The following TJP1 variants were observed in gnomAD, a reference collection of about 807,000 sequenced individuals.
TJP1 encodes tight junction protein ZO-1.
TJP1 carries 43 observed loss-of-function variants against 194.2 expected under a neutral mutation model. That is an observed-to-expected ratio of 0.22 (90% confidence interval 0.17 to 0.29). The LOEUF is 0.29. Among genes scored for constraint, TJP1 ranks in the 10% least tolerant of loss-of-function variants. The probability of loss-of-function intolerance (pLI) is 1.00; values close to 1 mark genes in which losing one functional copy is unlikely to be tolerated. For synonymous variants in TJP1, 801 were observed against 779.0 expected, an observed-to-expected ratio of 1.03 and a Z score of -0.47; for missense variants, 1,971 against 2,185.7, an observed-to-expected ratio of 0.90 and a Z score of 1.96.
intron 2 of TJP1, among the ~76,000 whole-genome samples, chr15:29,910,080 AC>A (rs1410029607): frequency 6.6e-6 from 1 of 152,174 alleles, no homozygotes; most frequent in African/African-American, 2.4e-5. Flanking sequence ...ACTATTAAAA[AC>A]CACAGGAGAA....
intron 8 of TJP1, among the ~76,000 whole-genome samples, chr15:29,751,919 TTTATTTTTGTACTAC>T (rs919651236): frequency 6.6e-6 from 1 of 152,116 alleles, no homozygotes; most frequent in African/African-American, 2.4e-5. Flanking sequence ...ACTTTTACTT[TTTATTTTTGTACTAC>T]TTATTTTTGA....
chr15:29,835,504 C>T (rs2050995448), intron 2 of TJP1, among the ~76,000 whole-genome samples: 1 of 151,952 alleles, frequency 6.6e-6, no homozygotes, highest in African/African-American at 2.4e-5. Flanking sequence ...GGAACTGGTG[C>T]CTAAAATAGC....
chr15:29,850,740 G>A (rs1252688684), intron 2 of TJP1, among the ~76,000 whole-genome samples: 2 of 152,098 alleles, frequency 1.3e-5, no homozygotes, highest in Non-Finnish European at 2.9e-5. Context: ...CCAGCACTTT[G>A]GGAGGCTGAG....
chr15:29,772,180 G>A lies in TJP1; in HGVS notation c.210-14C>T, dbSNP rs765235632. 32 of 1,507,064 alleles carry A rather than the reference G, an allele frequency of 2.1e-5. No individual in the cohort carries two copies. The East Asian group carries it at 7.4e-4, about 35-fold the overall frequency. 93.4% of individuals were successfully genotyped at this position (1,507,064 alleles called of 1,614,324 possible). On this transcript the variant is annotated splice_polypyrimidine_tract_variant and intron_variant, in intron 3 of 27. Transcript: ENST00000614355. ...CGGTCATTTTCCCTAAGGGGAAAAG[G>A]GCACAAAATAATATGTTAGAGAAAA...
At chr15:29,739,697 G>A (rs1001406267) in intron 10 of TJP1, among the ~76,000 whole-genome samples, 4 of 151,942 alleles carry the variant, frequency 2.6e-5, no homozygotes, top group Non-Finnish European at 4.4e-5. Context: ...TGCCCACCTC[G>A]GACTCCCAAA....
At chr15:29,821,152 A>C (rs1596032337) in intron 1 of TJP1, among the ~76,000 whole-genome samples, 1 of 152,242 alleles carries the variant, frequency 6.6e-6, no homozygotes, top group Non-Finnish European at 1.5e-5. Context: ...AAATGGGAGG[A>C]GCATCCTAGC....
chr15:29,795,758 A>G (rs2048362338), intron 2 of TJP1, among the ~76,000 whole-genome samples: 1 of 152,194 alleles, frequency 6.6e-6, no homozygotes, highest in Non-Finnish European at 1.5e-5. Context: ...AAGAATCTTC[A>G]CAAAACATCA....
intron 2 of TJP1, among the ~76,000 whole-genome samples, chr15:29,952,711 A>C (rs759610845): frequency 2.0e-5 from 3 of 152,238 alleles, no homozygotes; most frequent in Non-Finnish European, 2.9e-5. Flanking sequence ...TATATATGCC[A>C]GGAGATTATT....
intron 27 of TJP1, among the ~76,000 whole-genome samples, chr15:29,703,376 T>G (rs1295753592): frequency 2.0e-5 from 3 of 151,944 alleles, no homozygotes; most frequent in Non-Finnish European, 2.9e-5. Flanking sequence ...AGGCGAAGGT[T>G]GCAGTGAGCT....
At chr15:29,928,665 C>T (rs571953831) in intron 2 of TJP1, among the ~76,000 whole-genome samples, 207 of 152,190 alleles carry the variant, frequency 1.4e-3, no homozygotes, top group African/African-American at 4.5e-3. Flanking sequence ...ACTTGTCGGC[C>T]GGGCACGGTG....
chr15:29,928,482 A>C (rs1462275862), intron 2 of TJP1, among the ~76,000 whole-genome samples: 1 of 152,234 alleles, frequency 6.6e-6, no homozygotes, highest in East Asian at 1.9e-4. Flanking sequence ...AATAAAACTG[A>C]ACATATGTGT....
intron 2 of TJP1, among the ~76,000 whole-genome samples, chr15:29,775,989 A>G (rs1184945487): frequency 6.6e-6 from 1 of 152,172 alleles, no homozygotes; most frequent in Non-Finnish European, 1.5e-5. Flanking sequence ...TCAGTACAAT[A>G]TATTGTTTCA....
chr15:29,958,196 G>C (rs2056017175), intron 1 of TJP1, among the ~76,000 whole-genome samples: 1 of 151,766 alleles, frequency 6.6e-6, no homozygotes, highest in Non-Finnish European at 1.5e-5. Flanking sequence ...CATTTTGTCT[G>C]ATGATAATTT....
At chr15:29,802,847 T>C (rs1369486217) in intron 1 of TJP1, among the ~76,000 whole-genome samples, 1 of 152,142 alleles carries the variant, frequency 6.6e-6, no homozygotes, top group African/African-American at 2.4e-5. Context: ...TTCCTATCAG[T>C]CCAAATGGCA....
intron 2 of TJP1, among the ~76,000 whole-genome samples, chr15:29,877,603 CT>C (rs1344485488): frequency 6.7e-6 from 1 of 150,188 alleles, no homozygotes; most frequent in Non-Finnish European, 1.5e-5. Flanking sequence ...TTTCTCCTTC[CT>C]TCCTTCCCTC....
intron 1 of TJP1, among the ~76,000 whole-genome samples, chr15:29,962,829 C>T (rs890377874): frequency 4.6e-5 from 7 of 152,078 alleles, no homozygotes; most frequent in Non-Finnish European, 7.4e-5. Context: ...GCACAACTGC[C>T]AATAATTAGG....
chr15:29,765,249 G>A (rs535611760), intron 5 of TJP1, among the ~76,000 whole-genome samples: 11 of 152,168 alleles, frequency 7.2e-5, no homozygotes, highest in Non-Finnish European at 1.5e-4. Flanking sequence ...TGAGGGGTAA[G>A]TAGTGAAGTA....
chr15:29,865,702 A>T (rs934441651), intron 2 of TJP1, among the ~76,000 whole-genome samples: 1 of 152,194 alleles, frequency 6.6e-6, no homozygotes, highest in Non-Finnish European at 1.5e-5. Context: ...ATGGACATGC[A>T]CCGAGCAATG....
chr15:29,747,907 A>G (rs191956086), intron 8 of TJP1, among the ~76,000 whole-genome samples: 109 of 152,340 alleles, frequency 7.2e-4, no homozygotes, highest in Admixed American at 4.1e-3. Context: ...TACAATCATT[A>G]TAACATTAAA....
Sources: gnomAD v4.1 joint callset for allele counts (sites outside exome capture counted in the v4.1 genomes callset) on GRCh38, gnomAD v4.1.1 for gene constraint, MANE v1.5 for transcripts, NCBI Gene and HGNC (gene_info 2026-07-23, HGNC 2026-07-21) for gene names.